Variants in GPATCH2L observed in about 807,000 individuals in gnomAD.
GPATCH2L encodes the protein G patch domain-containing protein 2-like.
In GPATCH2L, 31 loss-of-function variants were observed where a neutral mutation model predicts 57.4. The observed-to-expected ratio is 0.54, with a 90% CI of 0.41 to 0.73. The LOEUF (loss-of-function observed/expected upper bound fraction) is 0.73. Among genes scored for constraint, GPATCH2L ranks in the 30% least tolerant of loss-of-function variants. The pLI, the probability that GPATCH2L is intolerant of heterozygous loss-of-function variation, is 0.00. For missense variants in GPATCH2L, 481 were observed against 599.9 expected (o/e 0.80, Z 2.07); for synonymous variants, 199 against 210.7 (o/e 0.94, Z 0.48).
chr14:76,165,587 T>TAA (rs547416822), intron 2 of GPATCH2L, among the ~76,000 whole-genome samples: 3 of 145,556 alleles, frequency 2.1e-5, no homozygotes, highest in Non-Finnish European at 3.0e-5. Flanking sequence ...TCCCAGAACT[T>TAA]AAAAAAAAAA....
rs777211503 is a variant in GPATCH2L, at chr14:76,154,487, C to T, written c.124C>T (p.Arg42Cys). 1.2e-6 allele frequency: 2 copies of T among 1,614,190 alleles called. No individual in the cohort carries two copies. Among genetic ancestry groups the T allele is most frequent in the South Asian group, 1.1e-5 (1 of 91,082 alleles). ...PRQQRRQLRK[R>C]RGRKRRSDFT... ...ACAGCAGAGGCGGCAGCTTCGGAAA[C>T]GCCGAGGTCGGAAGCGTCGTTCTGA... Residue 42 changes from arginine (R) to cysteine (C), a missense_variant, in exon 2 of 10, where the codon CGC becomes TGC. Physicochemically the swap from Arg to Cys is radical, Grantham distance 180. Around this residue, in one of 3 missense-constraint regions of GPATCH2L, gnomAD observed 208 missense variants for 272.4 expected, o/e 0.76. Coordinates refer to ENST00000261530, the MANE Select transcript of GPATCH2L (RefSeq NM_017926.4). The surrounding 1 kb of genome is among the most constrained non-coding windows in gnomAD (Gnocchi z 4.4).
chr14:76,191,823 G>T (rs930158263), intron 8 of GPATCH2L, among the ~76,000 whole-genome samples: 4 of 152,038 alleles, frequency 2.6e-5, no homozygotes, highest in African/African-American at 9.7e-5. Flanking sequence ...ATTTGAAACT[G>T]TGTAATATAC....
At chr14:76,162,969 A>G (rs989058981) in intron 2 of GPATCH2L, among the ~76,000 whole-genome samples, 4 of 152,248 alleles carry the variant, frequency 2.6e-5, no homozygotes, top group African/African-American at 4.8e-5. Flanking sequence ...GCAAAGGAAC[A>G]CTTCTTCCCT....
chr14:76,230,643 A>G (rs1411275079), intron 2 of GPATCH2L, among the ~76,000 whole-genome samples: 1 of 152,232 alleles, frequency 6.6e-6, no homozygotes, highest in Admixed American at 6.5e-5. Context: ...GTAGTTTGTT[A>G]TAAGAGCACC....
intron 2 of GPATCH2L, among the ~76,000 whole-genome samples, chr14:76,159,467 C>T (rs1287111367): frequency 6.6e-6 from 1 of 152,148 alleles, no homozygotes; most frequent in African/African-American, 2.4e-5. Flanking sequence ...CTGCCATTCT[C>T]AGATCTACAG....
intron 7 of GPATCH2L, among the ~76,000 whole-genome samples, chr14:76,180,331 C>T (rs746408824): frequency 6.6e-6 from 1 of 152,162 alleles, no homozygotes; most frequent in Non-Finnish European, 1.5e-5. Flanking sequence ...TTCCACAATA[C>T]TATGCTGCTG....
intron 8 of GPATCH2L, among the ~76,000 whole-genome samples, chr14:76,191,335 T>C (rs936440641): frequency 6.6e-6 from 1 of 152,098 alleles, no homozygotes; most frequent in Non-Finnish European, 1.5e-5. Flanking sequence ...CTTCTTTAAT[T>C]TTTTATGTCT....
chr14:76,201,145 G>A (rs540392022), intron 9 of GPATCH2L, among the ~76,000 whole-genome samples: 24 of 152,266 alleles, frequency 1.6e-4, no homozygotes, highest in Non-Finnish European at 2.9e-4. Context: ...TTGTTGTATG[G>A]TATATATTTA....
In GPATCH2L at chr14:76,177,085, G is replaced by A. The variant is rs545242490; in HGVS notation, c.1052+395G>A. On this transcript the variant is annotated intron_variant, in intron 6 of 9. Coordinates refer to ENST00000261530, the MANE Select transcript of GPATCH2L (RefSeq NM_017926.4). ...TTTTGAGACAGGGTCTGGCTCTGACGCCCAGGCTGGAGTGCAGTGGCAGAG... is the reference window on the plus strand; with the variant it reads ...TTTTGAGACAGGGTCTGGCTCTGACACCCAGGCTGGAGTGCAGTGGCAGAG... Among the ~76,000 whole-genome samples, 430 of 151,930 alleles carry A rather than the reference G, an allele frequency of 2.8e-3. 2 individuals are homozygous for A. The highest frequency in any genetic ancestry group is 2.9e-3 in the Non-Finnish European group (199 of 67,968).
intron 8 of GPATCH2L, among the ~76,000 whole-genome samples, chr14:76,193,735 C>G (rs983608069): frequency 2.0e-5 from 3 of 152,148 alleles, no homozygotes; most frequent in Non-Finnish European, 4.4e-5. Flanking sequence ...TGATGTCTAA[C>G]AGTAACATGG....
intron 4 of GPATCH2L, among the ~76,000 whole-genome samples, chr14:76,173,215 A>C (rs2039166270): frequency 6.6e-6 from 1 of 152,072 alleles, no homozygotes. Context: ...TATTAATAGT[A>C]CCTTATGTTT....
At chr14:76,173,479 A>G in intron 4 of GPATCH2L, 67 bp from the exon 5 acceptor site, 1 of 970,030 alleles carries the variant, frequency 1.0e-6, no homozygotes, top group Non-Finnish European at 1.6e-6. Context: ...CCTTCAGTGT[A>G]CTAGAAACAT....
chr14:76,219,237 T>A (rs930938391), downstream of GPATCH2L, among the ~76,000 whole-genome samples: 21 of 151,112 alleles, frequency 1.4e-4, no homozygotes, highest in African/African-American at 5.1e-4. Context: ...ATAGAAAGAG[T>A]CCCTATCAAT....
In GPATCH2L at chr14:76,203,054, C is replaced by T. The variant is rs969507318; in HGVS notation, c.*1203C>T. On this transcript the variant is annotated 3_prime_UTR_variant, in exon 10 of 10. Transcript: ENST00000261530. ...TTGGTGAAGTGCTCCCTGCTCTGGTCACATTGTAGAGGGACTCCCACTCAT... is the reference window on the plus strand; with the variant it reads ...TTGGTGAAGTGCTCCCTGCTCTGGTTACATTGTAGAGGGACTCCCACTCAT... 6.6e-6 allele frequency: 1 copy of T among 152,148 alleles called. No homozygotes were observed. Among genetic ancestry groups the T allele is most frequent in the Non-Finnish European group, 1.5e-5 (1 of 68,066 alleles). The allele number at this position is 152,148 out of a possible 1,614,324, so 9.4% of individuals were successfully genotyped here.
At chr14:76,199,642 A>G (rs1446686767) in intron 9 of GPATCH2L, among the ~76,000 whole-genome samples, 1 of 152,190 alleles carries the variant, frequency 6.6e-6, no homozygotes, top group East Asian at 1.9e-4. Flanking sequence ...GGATGGCTAT[A>G]TCAAAAAACA....
At chr14:76,188,097 A>T (rs907955333) in intron 8 of GPATCH2L, among the ~76,000 whole-genome samples, 45 of 151,926 alleles carry the variant, frequency 3.0e-4, no homozygotes, top group Non-Finnish European at 5.3e-4. Context: ...TATGCACCAC[A>T]TTTTCTTTAT....
chr14:76,229,578 G>A (rs947526902), intron 1 of GPATCH2L, among the ~76,000 whole-genome samples: 4 of 152,064 alleles, frequency 2.6e-5, no homozygotes, highest in African/African-American at 4.8e-5. Context: ...TCGTTCTCCC[G>A]AGAAGCTGCC....
chr14:76,186,611 T>A (rs2039777263), intron 8 of GPATCH2L, among the ~76,000 whole-genome samples: 1 of 152,218 alleles, frequency 6.6e-6, no homozygotes, highest in Admixed American at 6.5e-5. Flanking sequence ...GCTATAGTAT[T>A]GTCTATAAGG....
intron 2 of GPATCH2L, among the ~76,000 whole-genome samples, chr14:76,231,315 C>T (rs568604189): frequency 1.9e-4 from 29 of 152,292 alleles, no homozygotes; most frequent in Admixed American, 3.9e-4. Flanking sequence ...TCCGTCATCA[C>T]GACCGTCTCT....
Sources: gnomAD v4.1 joint callset for allele counts (sites outside exome capture counted in the v4.1 genomes callset) on GRCh38, gnomAD v4.1.1 for gene constraint, gnomAD v4.1.1 regional missense constraint, Gnocchi (gnomAD v3.1) non-coding constraint, MANE v1.5 for transcripts, NCBI Gene and HGNC (gene_info 2026-07-23, HGNC 2026-07-21) for gene names.